Variants in HECW2 observed in about 807,000 individuals in gnomAD.
The protein encoded by HECW2 is HECT, C2 and WW domain containing E3 ubiquitin protein ligase 2.
In HECW2, 61 loss-of-function variants were observed where a neutral mutation model predicts 175.2. The ratio of observed to expected loss-of-function variants is 0.35; its 90% CI spans 0.28 to 0.43. The LOEUF (loss-of-function observed/expected upper bound fraction) is 0.43, where lower values mean the gene tolerates loss of function less well. HECW2 is among the 20% of genes least tolerant of loss of function. HECW2 has a pLI of 1.00. For synonymous variants in HECW2, 671 were observed against 731.0 expected (o/e 0.92, Z 1.32); for missense variants, 1,524 against 2,000.5 (o/e 0.76, Z 4.54).
chr2:196,551,057 T>C (rs1256591276), intron 1 of HECW2, among the ~76,000 whole-genome samples: 2 of 152,238 alleles, frequency 1.3e-5, no homozygotes, highest in Non-Finnish European at 2.9e-5. Flanking sequence ...GAAATCTAAG[T>C]GTTTGTCTTT....
chr2:196,435,007 G>A (rs1176257092), intron 1 of HECW2, among the ~76,000 whole-genome samples: 1 of 152,194 alleles, frequency 6.6e-6, no homozygotes, highest in East Asian at 1.9e-4. Context: ...GGATGAAGAG[G>A]ACATGCTCCT....
intron 14 of HECW2, 142 bp downstream of exon 14, chr2:196,292,423 G>A: frequency 4.4e-6 from 3 of 688,690 alleles, no homozygotes; most frequent in Admixed American, 2.7e-5. Context: ...ACAACCTGCT[G>A]TCCAGGTTTC....
At chr2:196,342,964 T>C (rs1375554088) in intron 3 of HECW2, among the ~76,000 whole-genome samples, 1 of 240 alleles carries the variant, frequency 4.2e-3, no homozygotes, top group Non-Finnish European at 0.031. Flanking sequence ...TTATATACCA[T>C]ACATTATGTA....
At chr2:196,280,150 T>G (rs1348887716) in intron 14 of HECW2, among the ~76,000 whole-genome samples, 3 of 152,156 alleles carry the variant, frequency 2.0e-5, no homozygotes, top group Non-Finnish European at 4.4e-5. Context: ...GTTAATTAGG[T>G]CATCAAAGAT....
intron 2 of HECW2, among the ~76,000 whole-genome samples, chr2:196,378,399 A>G (rs1694109736): frequency 6.6e-6 from 1 of 152,218 alleles, no homozygotes; most frequent in Admixed American, 6.5e-5. Context: ...GATAAAATAT[A>G]AAACTACTCT....
chr2:196,230,296 C>T (rs1430417281), intron 21 of HECW2, among the ~76,000 whole-genome samples: 2 of 152,338 alleles, frequency 1.3e-5, no homozygotes, highest in East Asian at 1.9e-4. Context: ...TGGCCTGTGA[C>T]GCCGCCAGGA....
At chr2:196,473,668 A>G (rs934000365) in intron 1 of HECW2, among the ~76,000 whole-genome samples, 20 of 152,210 alleles carry the variant, frequency 1.3e-4, no homozygotes, top group African/African-American at 4.8e-4. Flanking sequence ...ACCAAATTTC[A>G]TATCAGGCTT....
intron 10 of HECW2, among the ~76,000 whole-genome samples, chr2:196,310,167 C>T (rs1320209983): frequency 1.3e-5 from 2 of 152,124 alleles, no homozygotes; most frequent in Non-Finnish European, 2.9e-5. Context: ...CTACAAAGGC[C>T]AGTAATAGCC....
intron 1 of HECW2, among the ~76,000 whole-genome samples, chr2:196,510,685 G>A (rs1161772981): frequency 6.6e-6 from 1 of 151,898 alleles, no homozygotes; most frequent in Non-Finnish European, 1.5e-5. Context: ...ACAAATATGG[G>A]AATTGTTATT....
chr2:196,288,938 T>C lies in HECW2; in HGVS notation c.3000+3627A>G, dbSNP rs577894737. The C allele has an allele frequency of 2.6e-5, 4 of 152,378 alleles. No individual in the cohort carries two copies. In the East Asian group the frequency reaches 7.7e-4, roughly 29 times the overall value. The allele number at this position is 152,378 out of a possible 1,614,324, so 9.4% of individuals were successfully genotyped here. On this transcript the variant is annotated intron_variant, in intron 14 of 28. Coordinates refer to ENST00000644978, the MANE Select transcript of HECW2 (RefSeq NM_001348768.2). Reference sequence around the variant, plus strand: ...TACGAATTGTGGGACCTTGGTCAATTCACGTAATCATGCTGTGCCTCAGTT... The same window carrying C: ...TACGAATTGTGGGACCTTGGTCAATCCACGTAATCATGCTGTGCCTCAGTT...
chr2:196,310,998 C>T (rs1355532936), intron 10 of HECW2, among the ~76,000 whole-genome samples: 3 of 152,150 alleles, frequency 2.0e-5, no homozygotes, highest in African/African-American at 7.2e-5. Flanking sequence ...TTAAGTTCAG[C>T]AAGAACCTAG....
chr2:196,360,263 C>T (rs1040739958), intron 2 of HECW2, among the ~76,000 whole-genome samples: 2 of 152,180 alleles, frequency 1.3e-5, no homozygotes, highest in Admixed American at 6.5e-5. Flanking sequence ...CACTGCAGCA[C>T]TATTCACAAG....
chr2:196,213,042 T>C (rs141593084), intron 28 of HECW2, among the ~76,000 whole-genome samples: 18 of 152,334 alleles, frequency 1.2e-4, no homozygotes, highest in African/African-American at 3.8e-4. Context: ...GAAATGGACT[T>C]GATAATATAA....
intron 14 of HECW2, among the ~76,000 whole-genome samples, chr2:196,287,214 T>G (rs1690424773): frequency 6.6e-6 from 1 of 152,182 alleles, no homozygotes; most frequent in Non-Finnish European, 1.5e-5. Flanking sequence ...AGTCAAAACC[T>G]CTAGAGTTAC....
intron 19 of HECW2, among the ~76,000 whole-genome samples, chr2:196,246,378 C>T (rs1688642563): frequency 6.6e-6 from 1 of 152,034 alleles, no homozygotes; most frequent in Admixed American, 6.5e-5. Flanking sequence ...TCTTTTAAGA[C>T]ACAAAAGAAA....
intron 1 of HECW2, among the ~76,000 whole-genome samples, chr2:196,433,796 T>G (rs1695788669): frequency 6.6e-6 from 1 of 152,184 alleles, no homozygotes; most frequent in Admixed American, 6.5e-5. Flanking sequence ...TGGCATCCTC[T>G]TCTCGTTTTC....
intron 2 of HECW2, among the ~76,000 whole-genome samples, chr2:196,378,351 C>T (rs1232311674): frequency 6.6e-6 from 1 of 152,094 alleles, no homozygotes; most frequent in Non-Finnish European, 1.5e-5. Context: ...AAATGGTTAC[C>T]TACAGAGAGA....
At chr2:196,508,027 G>A (rs1687826042) in intron 1 of HECW2, among the ~76,000 whole-genome samples, 1 of 152,184 alleles carries the variant, frequency 6.6e-6, no homozygotes, top group Non-Finnish European at 1.5e-5. Context: ...AGGCTAGTGT[G>A]TTTTAAATAT....
chr2:196,516,699 T>C (rs1322736426), intron 1 of HECW2, among the ~76,000 whole-genome samples: 2 of 152,208 alleles, frequency 1.3e-5, no homozygotes, highest in Admixed American at 6.5e-5. Context: ...TATGCAATCA[T>C]AGTTTTCCCT....
Sources: gnomAD v4.1 joint callset for allele counts (sites outside exome capture counted in the v4.1 genomes callset) on GRCh38, gnomAD v4.1.1 for gene constraint, MANE v1.5 for transcripts, NCBI Gene and HGNC (gene_info 2026-07-23, HGNC 2026-07-21) for gene names.